Variants in ZCCHC14 observed in about 807,000 individuals in gnomAD.
The protein encoded by ZCCHC14 is zinc finger CCHC-type containing 14, also known as zinc finger CCHC domain-containing protein 14.
ZCCHC14 carries 16 observed loss-of-function variants against 85.0 expected under a neutral mutation model. The observed-to-expected ratio is 0.19, with a 90% CI of 0.13 to 0.29. ZCCHC14 has a LOEUF of 0.29. Ranked by LOEUF, ZCCHC14 falls within the 10% of genes least tolerant of loss-of-function variation. ZCCHC14 has a pLI of 1.00. For missense variants in ZCCHC14, 1,303 were observed against 1,443.5 expected (o/e 0.90, Z 1.58); for synonymous variants, 775 against 630.7 (o/e 1.23, Z -3.43).
At chr16:87,462,412 G>C (rs1279009565) in intron 1 of ZCCHC14, among the ~76,000 whole-genome samples, 1 of 152,244 alleles carries the variant, frequency 6.6e-6, no homozygotes, top group East Asian at 1.9e-4. Context: ...TACTTTGCAA[G>C]ACAACTCAGG....
rs77687955 is a variant in ZCCHC14, at chr16:87,462,376, G to T, written c.571-2245C>A. The stretch of plus-strand genomic sequence containing the variant: ...GTACGATACAAATCTTACACAAGGA[G>T]ATTTTTAGTTCCAAACAGTACATAT... On this transcript the variant is annotated intron_variant, in intron 1 of 12. Transcript: ENST00000671377. Among the ~76,000 whole-genome samples, 689 of 152,302 alleles carry T rather than the reference G, an allele frequency of 4.5e-3. 6 individuals are homozygous for T. Among genetic ancestry groups the T allele is most frequent in the African/African-American group, 0.016 (665 of 41,576 alleles).
intron 4 of ZCCHC14, among the ~76,000 whole-genome samples, chr16:87,423,162 C>T (rs1909191788): frequency 6.6e-6 from 1 of 152,208 alleles, no homozygotes; most frequent in African/African-American, 2.4e-5. Context: ...CCAGTGGGCC[C>T]TAAACACGTG....
chr16:87,487,289 A>AT (rs200699064), intron 1 of ZCCHC14, among the ~76,000 whole-genome samples: 22 of 152,048 alleles, frequency 1.4e-4, no homozygotes, highest in Non-Finnish European at 2.9e-4. Flanking sequence ...TAAAAACGTT[A>AT]TTTTTTTTAG....
chr16:87,413,233 G>A (rs1430047207), intron 10 of ZCCHC14, 38 bp from the exon 11 acceptor site: 25 of 1,483,780 alleles, frequency 1.7e-5, no homozygotes, highest in East Asian at 2.5e-5. Flanking sequence ...ATCAACTAGC[G>A]CCCCTGCAGG....
chr16:87,438,651 T>G (rs1597419620), intron 2 of ZCCHC14, among the ~76,000 whole-genome samples: 1 of 152,234 alleles, frequency 6.6e-6, no homozygotes. Flanking sequence ...ATGGTCCTAA[T>G]AAGTATAAAG....
At chr16:87,470,311 C>A (rs1325551440) in intron 1 of ZCCHC14, 1 of 151,804 alleles carries the variant, frequency 6.6e-6, no homozygotes, top group Non-Finnish European at 1.5e-5. Context: ...ACCTGGGAGA[C>A]AGCACGACAC....
chr16:87,416,649 A>G (rs532445630), intron 8 of ZCCHC14, among the ~76,000 whole-genome samples: 2 of 152,074 alleles, frequency 1.3e-5, no homozygotes, highest in African/African-American at 4.8e-5. Flanking sequence ...CCAGCTATTC[A>G]GGAGGCTGAG....
intron 10 of ZCCHC14, among the ~76,000 whole-genome samples, chr16:87,414,183 C>T (rs565696147): frequency 6.7e-6 from 1 of 149,644 alleles, no homozygotes; most frequent in African/African-American, 2.5e-5. Flanking sequence ...ACGAGTAACC[C>T]ACCTGCCCGG....
rs780658883 is a variant in ZCCHC14, at chr16:87,407,146, C to G, written c.*3134G>C. ...GGTGATGTTTAGGCAAAGTCACTAC[C>G]CCGCCCCACTACTGTGCCCCAAGAC... On this transcript the variant is annotated 3_prime_UTR_variant, in exon 13 of 13. Coordinates refer to ENST00000671377, the MANE Select transcript of ZCCHC14 (RefSeq NM_015144.3). 2.0e-5 allele frequency: 3 copies of G among 152,270 alleles called. No individual in the cohort carries two copies. Among genetic ancestry groups the G allele is most frequent in the Non-Finnish European group, 2.9e-5 (2 of 68,092 alleles). The allele number at this position is 152,270 out of a possible 1,614,324, so 9.4% of individuals were successfully genotyped here.
chr16:87,412,907 C>G lies in ZCCHC14; in HGVS notation c.1814G>C (p.Ser605Thr). 6.2e-7 allele frequency: 1 copy of G among 1,601,570 alleles called. No individual in the cohort carries two copies. ...AACCTGGGCCGTGGGTCTGGCGGAA[C>G]TGGAAGTGAAGTGATTCAGCAGCAT... is the stretch of plus-strand genomic sequence containing the variant. The part of the protein sequence containing the change: ...PVMLLNHFTS[S>T]SARPTAQVLP... The change falls in exon 12 of 13, where the codon AGT becomes ACT. Residue 605 changes from serine to threonine, a missense_variant. Physicochemically the swap from Ser to Thr is moderately conservative, Grantham distance 58. This residue lies in a region of ZCCHC14 where 797 missense variants were observed against 730.8 expected (regional missense o/e 1.09). Coordinates refer to ENST00000671377, the MANE Select transcript of ZCCHC14 (RefSeq NM_015144.3).
chr16:87,419,580 C>T (rs1441864911), intron 6 of ZCCHC14, among the ~76,000 whole-genome samples: 1 of 152,174 alleles, frequency 6.6e-6, no homozygotes, highest in Non-Finnish European at 1.5e-5. Context: ...GGATTATAGG[C>T]GTGAGCCACT....
chr16:87,450,702 G>A (rs1910656398), intron 2 of ZCCHC14, among the ~76,000 whole-genome samples: 2 of 151,616 alleles, frequency 1.3e-5, no homozygotes, highest in African/African-American at 4.8e-5. Context: ...TCCTGAGTGA[G>A]TAGCTGGGAT....
At position 87,491,850 on chromosome 16, in the gene ZCCHC14, T is replaced by A. The variant is rs1233352070; in HGVS notation, c.389A>T (p.Asp130Val). The A allele has an allele frequency of 6.4e-7, 1 of 1,573,340 alleles. No individual in the cohort carries two copies. The highest frequency in any genetic ancestry group is 8.6e-7 in the Non-Finnish European group (1 of 1,165,524). ...GLQLNEGRTG[D>V]EFLLLFTMAS... ...CATGGTGAACAGCAGCAGGAACTCA[T>A]CGCCCGTGCGGCCCTCGTTAAGCTG... Residue 130 changes from aspartate to valine, a missense_variant, in exon 1 of 13, where the codon GAT becomes GTT. Transcript: ENST00000671377. The surrounding 1 kb of genome is among the most constrained non-coding windows in gnomAD (Gnocchi z 5.9).
chr16:87,422,226 G>A (rs1909136048), intron 4 of ZCCHC14, among the ~76,000 whole-genome samples: 1 of 152,136 alleles, frequency 6.6e-6, no homozygotes, highest in South Asian at 2.1e-4. Context: ...ACATGGACAG[G>A]CTCCACAGCA....
At chr16:87,454,443 T>C (rs1421682840) in intron 2 of ZCCHC14, among the ~76,000 whole-genome samples, 2 of 152,196 alleles carry the variant, frequency 1.3e-5, no homozygotes, top group Admixed American at 1.3e-4. Flanking sequence ...CTAGAGGACT[T>C]TTCTTTAGAA....
chr16:87,456,894 C>T (rs971797451), intron 2 of ZCCHC14, among the ~76,000 whole-genome samples: 1 of 152,164 alleles, frequency 6.6e-6, no homozygotes, highest in Admixed American at 6.5e-5. Context: ...AGTATACCTC[C>T]TTCACTGTCT....
chr16:87,438,234 G>C (rs758504566), intron 2 of ZCCHC14, among the ~76,000 whole-genome samples: 1 of 152,278 alleles, frequency 6.6e-6, no homozygotes, highest in African/African-American at 2.4e-5. Flanking sequence ...GACCCAGCCG[G>C]CTGGACGGCG....
intron 2 of ZCCHC14, among the ~76,000 whole-genome samples, chr16:87,451,740 T>C (rs1910715798): frequency 6.6e-6 from 1 of 152,100 alleles, no homozygotes; most frequent in African/African-American, 2.4e-5. Flanking sequence ...GACAGTGCTG[T>C]TGTCATTGGA....
chr16:87,476,321 G>T (rs553432138), intron 1 of ZCCHC14, among the ~76,000 whole-genome samples: 2 of 152,058 alleles, frequency 1.3e-5, no homozygotes, highest in Admixed American at 6.5e-5. Context: ...AGGGGTTGGG[G>T]GAAAAAAGGT....
Sources: allele counts gnomAD v4.1 joint callset (sites outside exome capture counted in the v4.1 genomes callset), GRCh38; gene constraint gnomAD v4.1.1; regional missense constraint gnomAD v4.1.1; non-coding constraint Gnocchi (gnomAD v3.1); transcripts MANE v1.5; gene names NCBI Gene and HGNC (gene_info 2026-07-23, HGNC 2026-07-21).